The following LZTS1 variants were observed in gnomAD, a reference collection of about 807,000 sequenced individuals.
LZTS1 encodes the protein leucine zipper tumor suppressor 1.
LZTS1 carries 31 observed loss-of-function variants against 45.8 expected under a neutral mutation model. The ratio of observed to expected loss-of-function variants is 0.68; its 90% CI spans 0.51 to 0.91. LZTS1 has a LOEUF of 0.91. Ranked by LOEUF, LZTS1 falls within the 40% of genes least tolerant of loss-of-function variation. The pLI is 0.00. For missense variants in LZTS1, 821 were observed against 788.9 expected, an observed-to-expected ratio of 1.04 and a Z score of -0.49; for synonymous variants, 359 against 357.3, an observed-to-expected ratio of 1.00 and a Z score of -0.05.
chr8:20,286,068 G>A (rs1800786679), intron 1 of LZTS1, among the ~76,000 whole-genome samples: 1 of 152,104 alleles, frequency 6.6e-6, no homozygotes, highest in Admixed American at 6.5e-5. Context: ...GAAAACCAAG[G>A]ATAATATCTT....
chr8:20,268,713 G>A (rs2128895641), intron 1 of LZTS1, among the ~76,000 whole-genome samples: 1 of 152,160 alleles, frequency 6.6e-6, no homozygotes, highest in African/African-American at 2.4e-5. Flanking sequence ...AAGGGGGTGG[G>A]GGAACGTGGG....
intron 1 of LZTS1, among the ~76,000 whole-genome samples, chr8:20,263,280 G>A (rs773036917): frequency 7.9e-5 from 12 of 151,938 alleles, no homozygotes; most frequent in African/African-American, 1.2e-4. Flanking sequence ...GCAGAGCCTC[G>A]AGGCCCCTCT....
intron 1 of LZTS1, among the ~76,000 whole-genome samples, chr8:20,299,966 G>A (rs1246414911): frequency 6.6e-6 from 1 of 152,192 alleles, no homozygotes; most frequent in East Asian, 1.9e-4. Context: ...CCATGTGGCG[G>A]CTCAAAGTGC....
chr8:20,283,716 G>C (rs753149843), intron 1 of LZTS1, among the ~76,000 whole-genome samples: 10 of 152,138 alleles, frequency 6.6e-5, no homozygotes, highest in Non-Finnish European at 1.3e-4. Flanking sequence ...TACCAGCAAG[G>C]AGAGAGTGTG....
intron 1 of LZTS1, among the ~76,000 whole-genome samples, chr8:20,299,517 C>T (rs1028261966): frequency 2.0e-5 from 3 of 152,158 alleles, no homozygotes; most frequent in Admixed American, 6.6e-5. Context: ...AGCATTATTT[C>T]GTCTTTTTTG....
Position 20,249,914 on chromosome 8 carries a change from C to T in LZTS1, c.1599G>A (p.Lys533=). 6.2e-7 allele frequency: 1 copy of T among 1,614,176 alleles called. No individual in the cohort carries two copies. The highest frequency in any genetic ancestry group is 8.5e-7 in the Non-Finnish European group (1 of 1,180,012). ...SGFQHERLVW[K]EEKEKVIQYQ... Reference sequence around the variant, plus strand: ...ACTGAATCACCTTCTCCTTCTCCTCCTTCCACACGAGCCGCTCATGCTGGA... The same window carrying T: ...ACTGAATCACCTTCTCCTTCTCCTCTTTCCACACGAGCCGCTCATGCTGGA... The change falls in exon 4 of 4, where the codon AAG becomes AAA. Residue 533 remains lysine, a synonymous_variant. Coordinates refer to ENST00000381569, the MANE Select transcript of LZTS1 (RefSeq NM_021020.5).
At position 20,250,602 on chromosome 8, in the gene LZTS1, A is replaced by G. The variant is rs533425748; in HGVS notation, c.1150-239T>C. Among the ~76,000 whole-genome samples the G allele has an allele frequency of 2.3e-3, 344 of 152,298 alleles. 2 individuals are homozygous for G. The highest frequency in any genetic ancestry group is 8.1e-3 in the African/African-American group (338 of 41,554). On this transcript the variant is annotated intron_variant, in intron 3 of 3. Transcript: ENST00000381569. ...ATAATAATCATGTATAATGACACAT[A>G]GTATATTATTATTGTTATTATTTGA...
At position 20,246,234 on chromosome 8, in the gene LZTS1, G is replaced by C. The variant is rs539070824; in HGVS notation, c.*3488C>G. 1 of 152,766 alleles carries C rather than the reference G, an allele frequency of 6.5e-6. No homozygotes were observed. The highest frequency in any genetic ancestry group is 1.5e-5 in the Non-Finnish European group (1 of 68,028). 9.5% of individuals were successfully genotyped at this position (152,766 alleles called of 1,614,324 possible). A position where few individuals can be genotyped will look rare whatever the true frequency, so the allele number is the denominator to read the frequency against. ...TAAAATTGCCACAAATAGTTTACATGGCCAAAAAGTGACGTCAAAAATAAA... is the reference window on the plus strand; with the variant it reads ...TAAAATTGCCACAAATAGTTTACATCGCCAAAAAGTGACGTCAAAAATAAA... On this transcript the variant is annotated 3_prime_UTR_variant, in exon 4 of 4. Transcript: ENST00000381569.
At chr8:20,257,341 C>G (rs751148553) in intron 1 of LZTS1, among the ~76,000 whole-genome samples, 2 of 152,032 alleles carry the variant, frequency 1.3e-5, no homozygotes, top group African/African-American at 2.4e-5. Flanking sequence ...GCCTGGGCAA[C>G]AGACTGAGTT....
chr8:20,252,055 C>T (rs1042339388), intron 3 of LZTS1, among the ~76,000 whole-genome samples: 2 of 152,150 alleles, frequency 1.3e-5, no homozygotes, highest in Non-Finnish European at 2.9e-5. Flanking sequence ...AGAGCCTCAA[C>T]GATGGGCTTG....
In LZTS1 at chr8:20,303,766, GAGACTT is replaced by G. The variant is rs1801124120; in HGVS notation, c.-167_-162del. On this transcript the variant is annotated 5_prime_UTR_variant, in exon 1 of 4. Coordinates refer to ENST00000381569, the MANE Select transcript of LZTS1 (RefSeq NM_021020.5). ...TGCCCCCTGCGCCTCGGGCGCACTTGAGACTTTTTTTTTTTCCCAGTGTTTCCCGGT... is the reference window on the plus strand; with the variant it reads ...TGCCCCCTGCGCCTCGGGCGCACTTGTTTTTTTTTCCCAGTGTTTCCCGGT... 3.0e-6 allele frequency: 3 copies of G among 984,882 alleles called. No homozygotes were observed. The Admixed American group carries it at 1.9e-4, about 61-fold the overall frequency. The allele number at this position is 984,882 out of a possible 1,614,324, so 61.0% of individuals were successfully genotyped here. A position where few individuals can be genotyped will look rare whatever the true frequency, so the allele number is the denominator to read the frequency against.
Position 20,250,034 on chromosome 8 carries a change from G to A in LZTS1, c.1479C>T (p.Phe493=). ...ALARDMGPPT[F]PEDVPALQRE... ...GCTGCAGGGCAGGGACGTCCTCGGG[G>A]AAGGTGGGCGGCCCCATGTCGCGGG... is the stretch of plus-strand genomic sequence containing the variant. Residue 493 remains phenylalanine (F), a synonymous_variant, in exon 4 of 4, where the codon TTC becomes TTT. Coordinates refer to ENST00000381569, the MANE Select transcript of LZTS1 (RefSeq NM_021020.5). 1 of 1,610,234 alleles carries A rather than the reference G, an allele frequency of 6.2e-7. No individual in the cohort carries two copies. Among genetic ancestry groups the A allele is most frequent in the Non-Finnish European group, 8.5e-7 (1 of 1,179,228 alleles).
rs190458112 is a variant in LZTS1 at position 20,255,440 on chromosome 8, G to A, written c.-134-125C>T. On this transcript the variant is annotated intron_variant, in intron 1 of 3. Transcript: ENST00000381569. The stretch of plus-strand genomic sequence containing the variant: ...AGAGCCCAGCACTGTCTCCACCACC[G>A]GGTGCTCCGTTCCTTCTTCCTTTGT... 4.4e-5 allele frequency: 25 copies of A among 567,446 alleles called. No individual in the cohort carries two copies. The East Asian group carries it at 4.4e-4, about 10-fold the overall frequency. 35.2% of individuals were successfully genotyped at this position (567,446 alleles called of 1,614,324 possible).
At chr8:20,256,421 G>A (rs1482565022) in intron 1 of LZTS1, among the ~76,000 whole-genome samples, 3 of 152,284 alleles carry the variant, frequency 2.0e-5, no homozygotes, top group Admixed American at 1.3e-4. Context: ...GCTTCCGGGT[G>A]GGGAAGAAGC....
chr8:20,254,231 C>T (rs985983412), intron 2 of LZTS1, among the ~76,000 whole-genome samples: 14 of 152,178 alleles, frequency 9.2e-5, no homozygotes, highest in African/African-American at 4.8e-5. Flanking sequence ...AGTGTCCACT[C>T]GTGGGACGCA....
At chr8:20,301,408 C>T (rs1010225396) in intron 1 of LZTS1, among the ~76,000 whole-genome samples, 8 of 152,152 alleles carry the variant, frequency 5.3e-5, no homozygotes, top group Non-Finnish European at 8.8e-5. Flanking sequence ...TCCAGGCACA[C>T]AGTGGATTTA....
At chr8:20,277,393 T>C (rs1289101914) in intron 1 of LZTS1, among the ~76,000 whole-genome samples, 1 of 152,114 alleles carries the variant, frequency 6.6e-6, no homozygotes, top group Admixed American at 6.5e-5. Flanking sequence ...AAGAAATAAC[T>C]ATAAGTATAT....
intron 3 of LZTS1, among the ~76,000 whole-genome samples, chr8:20,252,330 C>G (rs182657725): frequency 4.6e-5 from 7 of 152,290 alleles, no homozygotes; most frequent in African/African-American, 9.6e-5. Flanking sequence ...TGAAACCTGC[C>G]ACCAATAGGG....
At position 20,250,197 on chromosome 8, in the gene LZTS1, G is replaced by C. The variant is rs778836538; in HGVS notation, c.1316C>G (p.Ala439Gly). Reference sequence around the variant, plus strand: ...CAGCTCCAGGCCCTTGGTGCGCAGGGCGCCCTCCAGGTCCTGGGTCCTCAG... The same window carrying C: ...CAGCTCCAGGCCCTTGGTGCGCAGGCCGCCCTCCAGGTCCTGGGTCCTCAG... ...LELRTQDLEG[A>G]LRTKGLELEV... is the part of the protein sequence containing the mutation. The change falls in exon 4 of 4, where the codon GCC (alanine) becomes GGC (glycine). Residue 439 changes from alanine (A) to glycine (G), a missense_variant. Transcript: ENST00000381569. 26 of 1,611,012 alleles carry C rather than the reference G, an allele frequency of 1.6e-5. No individual in the cohort carries two copies. The South Asian group carries it at 2.9e-4, about 18-fold the overall frequency.
Sources: allele counts gnomAD v4.1 joint callset (sites outside exome capture counted in the v4.1 genomes callset), GRCh38; gene constraint gnomAD v4.1.1; transcripts MANE v1.5; gene names NCBI Gene and HGNC (gene_info 2026-07-23, HGNC 2026-07-21).